Variants in FAM131C observed in about 807,000 individuals in gnomAD.
The protein encoded by FAM131C is protein FAM131C.
A neutral mutation model predicts 29.8 loss-of-function variants in FAM131C; 14 were observed. That is an observed-to-expected ratio of 0.47 (90% CI 0.31 to 0.73). The LOEUF is 0.73. Among genes scored for constraint, FAM131C ranks in the 30% least tolerant of loss-of-function variants. The pLI is 0.05. For missense variants in FAM131C, 252 were observed against 383.8 expected (o/e 0.66, Z 2.87); for synonymous variants, 86 against 157.8 (o/e 0.54, Z 3.41).
chr1:16,068,857 A>G (rs372972191), intron 1 of FAM131C, among the ~76,000 whole-genome samples: 2 of 152,134 alleles, frequency 1.3e-5, no homozygotes, highest in East Asian at 1.9e-4. Context: ...ACCTCCCACA[A>G]GCAACCTGCC....
In FAM131C at chr1:16,059,768, A is replaced by G. The variant is rs1367683944; in HGVS notation, c.451+101T>C. ...ACTTAATACTCACCCACCCTATGCC[A>G]TTATTTTTTCCTGCCCAGACAATGC... On this transcript the variant is annotated intron_variant, in intron 5 of 6. Coordinates refer to ENST00000375662, the MANE Select transcript of FAM131C (RefSeq NM_182623.3). 1.2e-5 allele frequency: 15 copies of G among 1,205,314 alleles called. No homozygotes were observed. The African/African-American group carries it at 2.1e-4, about 17-fold the overall frequency. The allele number at this position is 1,205,314 out of a possible 1,614,324, so 74.7% of individuals were successfully genotyped here. A position where few individuals can be genotyped will look rare whatever the true frequency, so the allele number is the denominator to read the frequency against.
chr1:16,070,009 C>T lies in FAM131C; in HGVS notation c.22+3412G>A, dbSNP rs186534657. Among the ~76,000 whole-genome samples the T allele has an allele frequency of 4.7e-3, 721 of 152,306 alleles. 2 individuals are homozygous for T. Among genetic ancestry groups the T allele is most frequent in the Non-Finnish European group, 8.5e-3 (579 of 68,026 alleles). On this transcript the variant is annotated intron_variant, in intron 1 of 6. Transcript: ENST00000375662. ...TGAACTCGTGGGCTCAAGCGATCCT[C>T]CCGCCTCAGCCTCCCAGTATTTAGA...
chr1:16,066,195 A>G (rs2023680656), intron 1 of FAM131C, among the ~76,000 whole-genome samples: 1 of 152,142 alleles, frequency 6.6e-6, no homozygotes, highest in Admixed American at 6.5e-5. Context: ...CCTGAGATTC[A>G]AGTTTTCATC....
intron 6 of FAM131C, 67 bp from the exon 7 acceptor site, chr1:16,058,784 G>A (rs1360075406): frequency 4.3e-6 from 6 of 1,403,110 alleles, no homozygotes; most frequent in Middle Eastern, 2.5e-4. Context: ...CTCTGGGGGT[G>A]TGAGAAAGGG....
rs1807284 is a variant in FAM131C, at chr1:16,058,504, G to T, written c.776C>A (p.Pro259His). Residue 259 changes from proline to histidine, a missense_variant, in exon 7 of 7, where the codon CCC (proline) becomes CAC (histidine). Transcript: ENST00000375662. The part of the protein sequence containing the change: ...GAQGPEGGTH[P>H]PGSLPSMDSG... The stretch of plus-strand genomic sequence containing the variant: ...GTCCATGGAGGGGAGGGAGCCCGGG[G>T]GGTGGGTCCCACCCTCGGGTCCTTG... 3 of 1,501,948 alleles carry T rather than the reference G, an allele frequency of 2.0e-6. No individual in the cohort carries two copies. The highest frequency in any genetic ancestry group is 1.8e-6 in the Non-Finnish European group (2 of 1,127,120). 93.0% of individuals were successfully genotyped at this position (1,501,948 alleles called of 1,614,324 possible).
intron 1 of FAM131C, among the ~76,000 whole-genome samples, chr1:16,069,275 G>A (rs1214808064): frequency 2.6e-5 from 4 of 152,104 alleles, no homozygotes; most frequent in South Asian, 2.1e-4. Context: ...GCTACTCCAC[G>A]GGCAAAGCTG....
chr1:16,073,292 G>A lies in FAM131C; in HGVS notation c.22+129C>T, dbSNP rs115437766. 8.5e-3 allele frequency: 3,755 copies of A among 441,448 alleles called. 129 individuals are homozygous for A. Among genetic ancestry groups the A allele is most frequent in the African/African-American group, 0.07 (3,373 of 48,382 alleles). The allele number at this position is 441,448 out of a possible 1,614,324, so 27.3% of individuals were successfully genotyped here. A position where few individuals can be genotyped will look rare whatever the true frequency, so the allele number is the denominator to read the frequency against. ...CTAGCTCTGTCCCCCTCAGGACGCC[G>A]CGTCCCCAGGGGTGCGGCGGGGCCG... On this transcript the variant is annotated intron_variant, in intron 1 of 6. Coordinates refer to ENST00000375662, the MANE Select transcript of FAM131C (RefSeq NM_182623.3).
At chr1:16,059,374 A>G (rs2023553020) in intron 6 of FAM131C, 120 bp downstream of exon 6, 2 of 1,429,402 alleles carry the variant, frequency 1.4e-6, no homozygotes, top group Non-Finnish European at 1.9e-6. Flanking sequence ...GCAGATGAAG[A>G]AACTTAGGCT....
In FAM131C at chr1:16,058,362, G is replaced by C; in HGVS notation, c.*75C>G. ...AGGGATGCCCTGCCCTGGACCCCGG[G>C]GTCCAGATATGCCTGGGCTGCCCAC... is the stretch of plus-strand genomic sequence containing the variant. On this transcript the variant is annotated 3_prime_UTR_variant, in exon 7 of 7. Coordinates refer to ENST00000375662, the MANE Select transcript of FAM131C (RefSeq NM_182623.3). The C allele has an allele frequency of 7.2e-7, 1 of 1,381,134 alleles. No homozygotes were observed. The highest frequency in any genetic ancestry group is 9.6e-7 in the Non-Finnish European group (1 of 1,045,308). The allele number at this position is 1,381,134 out of a possible 1,614,324, so 85.6% of individuals were successfully genotyped here. A position where few individuals can be genotyped will look rare whatever the true frequency, so the allele number is the denominator to read the frequency against.
At chr1:16,066,963 C>T (rs1052089301) in intron 1 of FAM131C, among the ~76,000 whole-genome samples, 2 of 152,194 alleles carry the variant, frequency 1.3e-5, no homozygotes, top group Non-Finnish European at 2.9e-5. Context: ...CCTGGCCATC[C>T]CCTGAAGCTT....
chr1:16,059,258 C>T (rs1346598964), intron 6 of FAM131C, among the ~76,000 whole-genome samples: 1 of 149,336 alleles, frequency 6.7e-6, no homozygotes, highest in African/African-American at 2.4e-5. Context: ...GTGCACAGCC[C>T]TCGGTGTGGT....
intron 2 of FAM131C, among the ~76,000 whole-genome samples, chr1:16,063,242 C>T (rs561028849): frequency 2.6e-5 from 4 of 151,472 alleles, no homozygotes; most frequent in African/African-American, 9.7e-5. Flanking sequence ...GAGTAGCGGG[C>T]TGGTAGCGGC....
chr1:16,062,369 T>C (rs1429743720), intron 3 of FAM131C, 130 bp downstream of exon 3: 1 of 1,341,106 alleles, frequency 7.5e-7, no homozygotes, highest in South Asian at 1.5e-5. Context: ...CCCCACCCAC[T>C]GTTTCATCAG....
chr1:16,067,802 C>A (rs534411381), intron 1 of FAM131C, among the ~76,000 whole-genome samples: 12 of 152,282 alleles, frequency 7.9e-5, no homozygotes, highest in African/African-American at 2.9e-4. Flanking sequence ...GGTGAGTCTG[C>A]AGCACAACCC....
chr1:16,072,755 G>A (rs897282110), intron 1 of FAM131C, among the ~76,000 whole-genome samples: 12 of 152,126 alleles, frequency 7.9e-5, no homozygotes, highest in African/African-American at 2.9e-4. Context: ...CCACCTCCTT[G>A]GGTACCACGT....
intron 4 of FAM131C, among the ~76,000 whole-genome samples, chr1:16,060,961 C>G (rs201448939): frequency 6.6e-6 from 1 of 151,816 alleles, no homozygotes; most frequent in East Asian, 1.9e-4. Flanking sequence ...GAGGAGGGGT[C>G]GGGGGCTTTG....
chr1:16,062,600 C>T (rs2023618277), intron 2 of FAM131C, 66 bp from the exon 3 acceptor site: 2 of 1,505,936 alleles, frequency 1.3e-6, no homozygotes, highest in Non-Finnish European at 1.8e-6. Flanking sequence ...TGGCCCGAGT[C>T]CTGGGGCCCT....
In FAM131C at chr1:16,058,573, G is replaced by A. The variant is rs1475286844; in HGVS notation, c.707C>T (p.Pro236Leu). Residue 236 changes from proline (P) to leucine (L), a missense_variant, in exon 7 of 7, where the codon CCC becomes CTC. By Grantham distance (98) the Pro-to-Leu change is moderately conservative (BLOSUM62 -3). Around this residue, in one of 6 missense-constraint regions of FAM131C, gnomAD observed 11 missense variants for 76.8 expected, o/e 0.14. Transcript: ENST00000375662. ...CCGATGCTGCAGCTCTGGGCTGGGG[G>A]GCTGCGGGATGCCAGCGGTGCTGGG... ...EPPSTAGIPQPPSPELQHRRR... is the reference protein window; with the variant it reads ...EPPSTAGIPQLPSPELQHRRR... 1 of 1,544,178 alleles carries A rather than the reference G, an allele frequency of 6.5e-7. No homozygotes were observed. Among genetic ancestry groups the A allele is most frequent in the Admixed American group, 2.0e-5 (1 of 49,722 alleles).
intron 4 of FAM131C, 30 bp downstream of exon 4, chr1:16,062,069 A>C (rs756801564): frequency 2.2e-5 from 35 of 1,606,486 alleles, no homozygotes; most frequent in Non-Finnish European, 2.8e-5. Flanking sequence ...TGCATTCTCC[A>C]CCGGCAGGAG....
Sources: allele counts gnomAD v4.1 joint callset (sites outside exome capture counted in the v4.1 genomes callset), GRCh38; gene constraint gnomAD v4.1.1; regional missense constraint gnomAD v4.1.1; transcripts MANE v1.5; gene names NCBI Gene and HGNC (gene_info 2026-07-23, HGNC 2026-07-21).